The following EEIG2 variants were observed in gnomAD, a reference collection of about 807,000 sequenced individuals.
EEIG2 encodes EEIG family member 2, also known as family with sequence similarity 102 member B.
At chr1:108,577,891 G>A in the EEIG2 span, among the ~76,000 whole-genome samples, 4 of 151,614 alleles carry the variant, frequency 2.6e-5, no homozygotes, top group Non-Finnish European at 5.9e-5. Context: ...ACCTTGGGCA[G>A]TATGGCCTTT....
At chr1:108,602,345 C>T in the EEIG2 span, among the ~76,000 whole-genome samples, 1 of 152,182 alleles carries the variant, frequency 6.6e-6, no homozygotes, top group Non-Finnish European at 1.5e-5. Context: ...TCAGCAGGGC[C>T]ATGCTCCCTC....
the EEIG2 span, among the ~76,000 whole-genome samples, chr1:108,611,195 G>A: frequency 6.6e-6 from 1 of 152,060 alleles, no homozygotes. Context: ...AAAACCCTAA[G>A]GCAAACAACT....
At chr1:108,564,623 A>C in the EEIG2 span, among the ~76,000 whole-genome samples, 2 of 152,102 alleles carry the variant, frequency 1.3e-5, no homozygotes, top group Admixed American at 6.5e-5. Flanking sequence ...ATTTCCTTAC[A>C]TTGTTTTTAC....
the EEIG2 span, among the ~76,000 whole-genome samples, chr1:108,592,474 TG>T: frequency 6.6e-6 from 1 of 152,348 alleles, no homozygotes; most frequent in East Asian, 1.9e-4. Flanking sequence ...TCTCTTGTCT[TG>T]GCTTATTTGA....
chr1:108,633,012 T>C, the EEIG2 span, among the ~76,000 whole-genome samples: 2 of 147,390 alleles, frequency 1.4e-5, no homozygotes, highest in Admixed American at 1.4e-4. Flanking sequence ...CTCAAACTCC[T>C]GGCCTCAAGT....
the EEIG2 span, among the ~76,000 whole-genome samples, chr1:108,571,029 G>A: frequency 1.3e-5 from 2 of 152,238 alleles, no homozygotes; most frequent in African/African-American, 2.4e-5. Flanking sequence ...GTGAAGAATG[G>A]CATAGGGCAA....
chr1:108,614,620 G>A, the EEIG2 span, among the ~76,000 whole-genome samples: 1 of 152,034 alleles, frequency 6.6e-6, no homozygotes, highest in Non-Finnish European at 1.5e-5. Flanking sequence ...ACAATGGATG[G>A]CATGTCCCCT....
At chr1:108,565,938 C>A in the EEIG2 span, among the ~76,000 whole-genome samples, 25 of 151,992 alleles carry the variant, frequency 1.6e-4, no homozygotes, top group African/African-American at 6.0e-4. Context: ...AATGAACCAC[C>A]CAGGGATAAT....
the EEIG2 span, among the ~76,000 whole-genome samples, chr1:108,561,062 C>T: frequency 1.3e-5 from 2 of 152,140 alleles, no homozygotes; most frequent in African/African-American, 4.8e-5. Context: ...TCCTGGCAGA[C>T]GAGACAACGG....
the EEIG2 span, chr1:108,616,258 G>A: frequency 1.4e-6 from 1 of 701,608 alleles, no homozygotes; most frequent in Non-Finnish European, 2.5e-6. Context: ...GCCTCCCGTG[G>A]ATATAACCCA....
At chr1:108,578,728 A>G in the EEIG2 span, among the ~76,000 whole-genome samples, 5 of 151,472 alleles carry the variant, frequency 3.3e-5, no homozygotes, top group African/African-American at 1.2e-4. Flanking sequence ...CCATCAGACT[A>G]ACAGCGGATC....
At chr1:108,566,904 G>T in the EEIG2 span, among the ~76,000 whole-genome samples, 6 of 152,180 alleles carry the variant, frequency 3.9e-5, no homozygotes, top group East Asian at 1.2e-3. Context: ...CAATTAGGTG[G>T]CATGGATATG....
the EEIG2 span, chr1:108,627,808 C>T: frequency 5.1e-6 from 1 of 196,156 alleles, no homozygotes; most frequent in African/African-American, 2.3e-5. Flanking sequence ...AAGAATACAT[C>T]TGAGTCATTT....
the EEIG2 span, among the ~76,000 whole-genome samples, chr1:108,599,179 C>A: frequency 0.014 from 2,039 of 145,222 alleles, 32 homozygotes; most frequent in African/African-American, 0.046. Context: ...ACAACAACAA[C>A]AAAAAAAAAA....
the EEIG2 span, among the ~76,000 whole-genome samples, chr1:108,624,150 G>A: frequency 6.6e-6 from 1 of 152,044 alleles, no homozygotes; most frequent in African/African-American, 2.4e-5. Context: ...ACTCTCCCTG[G>A]GCAGGTGAAC....
the EEIG2 span, among the ~76,000 whole-genome samples, chr1:108,615,174 G>T: frequency 6.6e-6 from 1 of 152,142 alleles, no homozygotes; most frequent in Non-Finnish European, 1.5e-5. Context: ...GCAGCCCTGG[G>T]ATCACATCTC....
At chr1:108,562,313 G>T in the EEIG2 span, among the ~76,000 whole-genome samples, 2 of 152,104 alleles carry the variant, frequency 1.3e-5, no homozygotes, top group African/African-American at 2.4e-5. Flanking sequence ...AATGAGCAAG[G>T]GGTATACTCC....
chr1:108,623,997 T>C, the EEIG2 span, among the ~76,000 whole-genome samples: 1 of 151,142 alleles, frequency 6.6e-6, no homozygotes, highest in East Asian at 1.9e-4. Context: ...AAAAAAAAAC[T>C]GTTAGAAATT....
chr1:108,606,144 C>A, the EEIG2 span: 1 of 905,470 alleles, frequency 1.1e-6, no homozygotes, highest in Non-Finnish European at 1.6e-6. Flanking sequence ...TATATGTCTG[C>A]TTCAGAATTA....
Sources: gnomAD v4.1 joint callset for allele counts (sites outside exome capture counted in the v4.1 genomes callset) on GRCh38, gnomAD v4.1.1 for gene constraint, MANE v1.5 for transcripts, NCBI Gene and HGNC (gene_info 2026-07-23, HGNC 2026-07-21) for gene names.